Variants in PCNX2 observed in about 807,000 individuals in gnomAD.
PCNX2 encodes pecanex 2.
A neutral mutation model predicts 223.8 loss-of-function variants in PCNX2; 168 were observed. The ratio of observed to expected loss-of-function variants is 0.75; its 90% CI spans 0.66 to 0.85. The LOEUF (loss-of-function observed/expected upper bound fraction) is 0.85. PCNX2 is among the 40% of genes least tolerant of loss of function. PCNX2 has a pLI of 0.00. For synonymous variants in PCNX2, 1,006 were observed against 1,052.6 expected, an observed-to-expected ratio of 0.96 and a Z score of 0.86; for missense variants, 2,507 against 2,675.5, an observed-to-expected ratio of 0.94 and a Z score of 1.39.
At chr1:233,137,556 G>A (rs1676881341) in intron 20 of PCNX2, among the ~76,000 whole-genome samples, 1 of 152,166 alleles carries the variant, frequency 6.6e-6, no homozygotes, top group African/African-American at 2.4e-5. Flanking sequence ...CCAGAAATAC[G>A]CTATGGAACA....
chr1:233,324,764 C>A, the PCNX2 span, among the ~76,000 whole-genome samples: 43 of 151,912 alleles, frequency 2.8e-4, no homozygotes, highest in East Asian at 7.6e-3. Flanking sequence ...CCACACCTGG[C>A]CAATTTTTGT....
chr1:233,054,342 A>T lies in PCNX2; in HGVS notation c.4277T>A (p.Leu1426His). The part of the protein sequence containing the change: ...GDCFILASDD[L>H]NAFVHLIEIG... ...TTCAATCAGGTGAACAAAGGCATTG[A>T]GGTCATCTGAAGCCAAAATAAAGCA... The change falls in exon 25 of 34, where the codon CTC becomes CAC. Residue 1426 changes from leucine (L) to histidine (H), a missense_variant. Transcript: ENST00000258229. 3.1e-6 allele frequency: 5 copies of T among 1,613,932 alleles called. No homozygotes were observed. Among genetic ancestry groups the T allele is most frequent in the Non-Finnish European group, 4.2e-6 (5 of 1,179,864 alleles).
intron 21 of PCNX2, among the ~76,000 whole-genome samples, chr1:233,128,220 G>A (rs79027733): frequency 0.036 from 5,553 of 152,188 alleles, 123 homozygotes; most frequent in African/African-American, 0.072. Flanking sequence ...TATGTCTAAT[G>A]TATTCTGGAA....
At chr1:233,256,945 G>A (rs1659767628) in intron 5 of PCNX2, among the ~76,000 whole-genome samples, 1 of 152,168 alleles carries the variant, frequency 6.6e-6, no homozygotes, top group Non-Finnish European at 1.5e-5. Context: ...CACAGAAAAT[G>A]AGCTACCATA....
chr1:233,289,521 C>A, intron 1 of PCNX2: 2 of 686,594 alleles, frequency 2.9e-6, no homozygotes, highest in Non-Finnish European at 5.2e-6. Context: ...CAACTCCATG[C>A]TGCAGGCTCT....
At chr1:233,168,500 TTAAA>T in intron 17 of PCNX2, among the ~76,000 whole-genome samples, 1 of 152,212 alleles carries the variant, frequency 6.6e-6, no homozygotes, top group Admixed American at 6.5e-5. Flanking sequence ...CATTTAGTGG[TTAAA>T]TAATTTTCCA....
At chr1:233,244,692 C>CAGAGCCAG (rs1658997740) in intron 8 of PCNX2, among the ~76,000 whole-genome samples, 1 of 152,104 alleles carries the variant, frequency 6.6e-6, no homozygotes, top group Non-Finnish European at 1.5e-5. Context: ...GCCTAGGCCA[C>CAGAGCCAG]AGAGCAAGAC....
chr1:233,015,684 C>G (rs1280641103), intron 27 of PCNX2, among the ~76,000 whole-genome samples: 1 of 151,918 alleles, frequency 6.6e-6, no homozygotes, highest in Non-Finnish European at 1.5e-5. Flanking sequence ...CAGAGCAAGA[C>G]TCTGTCTCAA....
Position 232,990,082 on chromosome 1 carries a change from A to T in PCNX2, c.5792-3542T>A, listed in dbSNP as rs1328834140. Among the ~76,000 whole-genome samples the T allele has an allele frequency of 6.6e-6, 1 of 152,220 alleles. No individual in the cohort carries two copies. The highest frequency in any genetic ancestry group is 2.4e-5 in the African/African-American group (1 of 41,458). On this transcript the variant is annotated intron_variant, in intron 32 of 33. Transcript: ENST00000258229. The surrounding 1 kb of genome is among the most constrained non-coding windows in gnomAD (Gnocchi z 4.3). ...GCTGTGTGTCTCAACTCGGACGGGCATGGTTGTTTTACTTAACTAGAAGGA... is the reference window on the plus strand; with the variant it reads ...GCTGTGTGTCTCAACTCGGACGGGCTTGGTTGTTTTACTTAACTAGAAGGA...
chr1:233,310,530 A>G, the PCNX2 span, among the ~76,000 whole-genome samples: 1 of 152,154 alleles, frequency 6.6e-6, no homozygotes, highest in Non-Finnish European at 1.5e-5. Flanking sequence ...TATGCAACTG[A>G]GTTCTGGAAC....
intron 21 of PCNX2, among the ~76,000 whole-genome samples, chr1:233,129,040 A>G (rs1676270284): frequency 6.6e-6 from 1 of 152,236 alleles, no homozygotes; most frequent in South Asian, 2.1e-4. Flanking sequence ...GGAGCCCTTC[A>G]GCCCGCCACT....
intron 17 of PCNX2, 79 bp downstream of exon 17, chr1:233,177,723 C>G: frequency 1.6e-6 from 2 of 1,252,442 alleles, no homozygotes; most frequent in Non-Finnish European, 1.2e-6. Flanking sequence ...GTCCACCTGC[C>G]TAGAGCTCCA....
intron 1 of PCNX2, among the ~76,000 whole-genome samples, chr1:233,290,146 T>C (rs571427684): frequency 6.9e-5 from 10 of 144,364 alleles, no homozygotes; most frequent in South Asian, 2.3e-4. Context: ...AGGAAGGGGG[T>C]TGGGGTATTA....
chr1:233,172,568 G>C, intron 17 of PCNX2: 1 of 984,494 alleles, frequency 1.0e-6, no homozygotes, highest in Non-Finnish European at 1.2e-6. Flanking sequence ...GTCCCAGGCT[G>C]ATGATCCATG....
In PCNX2 at chr1:233,000,427, G is replaced by A. The variant is rs756638806; in HGVS notation, c.5206C>T (p.Arg1736Trp). ...TCCTTGTTGGACAGCACTGCGCCCC[G>A]CCAGGCCGGGTCGCCCTCGTGGCAG... ...VICHEGDPAWRGAVLSNKEEL... is the reference protein window; with the variant it reads ...VICHEGDPAWWGAVLSNKEEL... Residue 1736 changes from arginine (R) to tryptophan (W), a missense_variant, in exon 30 of 34, where the codon CGG becomes TGG. This residue lies in a region of PCNX2 where 1,372 missense variants were observed against 1,509.4 expected (regional missense o/e 0.91). Transcript: ENST00000258229. The surrounding 1 kb of genome is among the most constrained non-coding windows in gnomAD (Gnocchi z 4.6). 6.9e-6 allele frequency: 11 copies of A among 1,602,590 alleles called. No homozygotes were observed. The highest frequency in any genetic ancestry group is 2.2e-5 in the South Asian group (2 of 89,928).
chr1:233,028,838 C>G (rs1385447082), intron 25 of PCNX2, among the ~76,000 whole-genome samples: 2 of 143,016 alleles, frequency 1.4e-5, no homozygotes, highest in African/African-American at 5.0e-5. Flanking sequence ...TCTTTCCAGT[C>G]CTTTTTTTTT....
intron 15 of PCNX2, among the ~76,000 whole-genome samples, chr1:233,192,109 T>C (rs970428730): frequency 6.6e-6 from 1 of 152,238 alleles, no homozygotes; most frequent in Non-Finnish European, 1.5e-5. Context: ...TGAAAAGATC[T>C]GACCAAGGAG....
intron 23 of PCNX2, among the ~76,000 whole-genome samples, chr1:233,066,946 G>A (rs1672635320): frequency 6.6e-6 from 1 of 152,036 alleles, no homozygotes; most frequent in Admixed American, 6.6e-5. Flanking sequence ...AAGGCTTAGT[G>A]GGGAATCTGA....
intron 23 of PCNX2, among the ~76,000 whole-genome samples, chr1:233,066,141 T>G (rs971226011): frequency 2.0e-5 from 3 of 152,204 alleles, no homozygotes; most frequent in African/African-American, 7.2e-5. Context: ...CGTCACTCAG[T>G]AAAACTCTTC....
Sources: gnomAD v4.1 joint callset for allele counts (sites outside exome capture counted in the v4.1 genomes callset) on GRCh38, gnomAD v4.1.1 for gene constraint, gnomAD v4.1.1 regional missense constraint, Gnocchi (gnomAD v3.1) non-coding constraint, MANE v1.5 for transcripts, NCBI Gene and HGNC (gene_info 2026-07-23, HGNC 2026-07-21) for gene names.